Variants in AGGF1 observed in about 807,000 individuals in gnomAD.
AGGF1 encodes the protein angiogenic factor with G-patch and FHA domains 1, also known as angiogenic factor with G patch and FHA domains 1.
Under a neutral mutation model 86.5 loss-of-function variants are expected in AGGF1, and 56 were observed. The observed-to-expected ratio is 0.65, with a 90% CI of 0.52 to 0.81. AGGF1 has a LOEUF of 0.81. Ranked by LOEUF, AGGF1 falls within the 30% of genes least tolerant of loss-of-function variation. The pLI, the probability that AGGF1 is intolerant of heterozygous loss-of-function variation, is 0.00. For synonymous variants in AGGF1, 313 were observed against 297.1 expected (o/e 1.05, Z -0.55); for missense variants, 816 against 850.9 (o/e 0.96, Z 0.51).
At chr5:77,031,414 AAAAC>A (rs1012659927) in intron 1 of AGGF1, among the ~76,000 whole-genome samples, 3 of 152,228 alleles carry the variant, frequency 2.0e-5, no homozygotes, top group Non-Finnish European at 2.9e-5. Context: ...AAGGTGAAGT[AAAAC>A]AAACAATTTT....
intron 11 of AGGF1, among the ~76,000 whole-genome samples, chr5:77,057,764 G>T (rs1038574937): frequency 2.0e-5 from 3 of 152,194 alleles, no homozygotes; most frequent in Non-Finnish European, 4.4e-5. Flanking sequence ...CGCACCTTGG[G>T]TTATGTACCT....
intron 8 of AGGF1, 77 bp downstream of exon 8, chr5:77,049,064 A>T: frequency 7.1e-7 from 1 of 1,414,330 alleles, no homozygotes. Flanking sequence ...AAGCTTAGGG[A>T]TTTTTCTCAT....
chr5:77,036,418 C>T (rs1746968022), intron 3 of AGGF1, 138 bp from the exon 4 acceptor site: 2 of 895,022 alleles, frequency 2.2e-6, no homozygotes, highest in African/African-American at 3.3e-5. Context: ...TGGTTCAAGT[C>T]ATAATTGATA....
Position 77,046,430 on chromosome 5 carries a change from G to A in AGGF1, c.954G>A (p.Lys318=). The part of the protein sequence containing the change: ...NEEENFANMK[K]KAKIGIHHKN... ...AAGAAAATTTCGCAAATATGAAAAA[G>A]AAGGCCAAAATAGGCATTCATCACA... is the stretch of plus-strand genomic sequence containing the variant. Residue 318 remains lysine, a synonymous_variant, in exon 6 of 14, where the codon AAG becomes AAA. Transcript: ENST00000312916. 6.2e-7 allele frequency: 1 copy of A among 1,613,940 alleles called. No individual in the cohort carries two copies. The highest frequency in any genetic ancestry group is 8.5e-7 in the Non-Finnish European group (1 of 1,179,964).
chr5:77,055,781 T>G (rs1046929907), intron 11 of AGGF1, among the ~76,000 whole-genome samples, 185 bp downstream of exon 11: 1 of 152,232 alleles, frequency 6.6e-6, no homozygotes, highest in East Asian at 1.9e-4. Context: ...AGAAAAATGA[T>G]AATAGCCTAC....
Position 77,063,239 on chromosome 5 carries a change from G to A in AGGF1, c.2132G>A (p.Gly711Glu), listed in dbSNP as rs1245578292. ...CCAGGGACCATGCCTTGGGTAAAAGGGACTTTAGAGTGAAGGCTAATCATA... is the reference window on the plus strand; with the variant it reads ...CCAGGGACCATGCCTTGGGTAAAAGAGACTTTAGAGTGAAGGCTAATCATA... ...DDPGTMPWVKGTLE is the reference protein window; with the variant it reads ...DDPGTMPWVKETLE Residue 711 changes from glycine to glutamate, a missense_variant, in exon 14 of 14, where the codon GGG becomes GAG. Gly to Glu is a moderately conservative substitution (Grantham distance 98). Transcript: ENST00000312916. The A allele has an allele frequency of 6.2e-7, 1 of 1,613,246 alleles. No individual in the cohort carries two copies. Among genetic ancestry groups the A allele is most frequent in the Non-Finnish European group, 8.5e-7 (1 of 1,179,690 alleles).
In AGGF1 at chr5:77,053,991, A is replaced by G. The variant is rs778806873; in HGVS notation, c.1494A>G (p.Val498=). 6.2e-7 allele frequency: 1 copy of G among 1,614,202 alleles called. No individual in the cohort carries two copies. The highest frequency in any genetic ancestry group is 8.5e-7 in the Non-Finnish European group (1 of 1,180,026). Residue 498 remains valine, a synonymous_variant, in exon 10 of 14, where the codon GTA becomes GTG. Coordinates refer to ENST00000312916, the MANE Select transcript of AGGF1 (RefSeq NM_018046.5). ...LQPKTKCDPY[V]LEHGDEVKIG... Reference sequence around the variant, plus strand: ...CGAAAACTAAATGTGACCCTTACGTACTTGAGCATGGAGATGAAGTCAAAA... The same window carrying G: ...CGAAAACTAAATGTGACCCTTACGTGCTTGAGCATGGAGATGAAGTCAAAA...
intron 11 of AGGF1, among the ~76,000 whole-genome samples, chr5:77,057,732 G>T (rs1422364948): frequency 6.6e-6 from 1 of 152,218 alleles, no homozygotes; most frequent in Non-Finnish European, 1.5e-5. Flanking sequence ...TTGCACAGCA[G>T]TTGAGCAACC....
intron 1 of AGGF1, among the ~76,000 whole-genome samples, chr5:77,032,266 AAAAAAAAAC>A (rs1341684956): frequency 6.7e-6 from 1 of 150,348 alleles, no homozygotes; most frequent in Non-Finnish European, 1.5e-5. Flanking sequence ...AAAAAAAAAA[AAAAAAAAAC>A]AGGGAGAGGT....
At chr5:77,037,569 C>T (rs185674169) in intron 4 of AGGF1, among the ~76,000 whole-genome samples, 4 of 152,038 alleles carry the variant, frequency 2.6e-5, no homozygotes, top group Admixed American at 1.3e-4. Context: ...TTGCTTGAGT[C>T]GAGTGCAAGA....
Position 77,045,060 on chromosome 5 carries a change from G to A in AGGF1, c.871-1287G>A, listed in dbSNP as rs780079042. On this transcript the variant is annotated intron_variant, in intron 5 of 13. Transcript: ENST00000312916. ...AGCCTGGGCGACAGAGCGAGACTCC[G>A]TCTCAAAAAAAAAAAAAAAGAAAGA... is the stretch of plus-strand genomic sequence containing the variant. 4.9e-5 allele frequency among the ~76,000 whole-genome samples: 7 copies of A among 141,656 alleles called. No individual in the cohort carries two copies. In the Middle Eastern group the frequency reaches 0.018, roughly 372 times the overall value. 92.9% of individuals were successfully genotyped at this position (141,656 alleles called of 152,430 possible). A position where few individuals can be genotyped will look rare whatever the true frequency, so the allele number is the denominator to read the frequency against.
intron 5 of AGGF1, among the ~76,000 whole-genome samples, chr5:77,041,782 TTTTTTTATTTA>T (rs1747087546): frequency 9.1e-6 from 1 of 109,836 alleles, no homozygotes; most frequent in African/African-American, 3.5e-5. Flanking sequence ...AGACAAGAAC[TTTTTTTATTTA>T]TTTATTTATT....
rs774902573 is a variant in AGGF1, at chr5:77,055,614, T to C, written c.1716+18T>C. Reference sequence around the variant, plus strand: ...GTTTACAGGTGAGGATGTTGAATATTGTTTCATTTGTTAAGCTGTATATCT... The same window carrying C: ...GTTTACAGGTGAGGATGTTGAATATCGTTTCATTTGTTAAGCTGTATATCT... On this transcript the variant is annotated intron_variant, in intron 11 of 13. Transcript: ENST00000312916. 1 of 1,514,450 alleles carries C rather than the reference T, an allele frequency of 6.6e-7. No individual in the cohort carries two copies. Among genetic ancestry groups the C allele is most frequent in the Admixed American group, 1.7e-5 (1 of 59,198 alleles). 93.8% of individuals were successfully genotyped at this position (1,514,450 alleles called of 1,614,324 possible).
At chr5:77,032,468 G>T (rs1192787692) in intron 1 of AGGF1, among the ~76,000 whole-genome samples, 2 of 150,384 alleles carry the variant, frequency 1.3e-5, no homozygotes, top group Non-Finnish European at 2.9e-5. Flanking sequence ...ACAGGCTGAG[G>T]CAGGAGAATG....
At chr5:77,047,769 C>T (rs897796530) in intron 6 of AGGF1, among the ~76,000 whole-genome samples, 4 of 149,568 alleles carry the variant, frequency 2.7e-5, no homozygotes, top group South Asian at 4.2e-4. Context: ...CTGCCTGCGT[C>T]GGCCCCCCAA....
intron 1 of AGGF1, among the ~76,000 whole-genome samples, chr5:77,032,059 A>G (rs902635890): frequency 6.6e-6 from 1 of 152,146 alleles, no homozygotes; most frequent in African/African-American, 2.4e-5. Flanking sequence ...ACCAGTATAT[A>G]GGCTGAACAC....
Position 77,054,215 on chromosome 5 carries a change from C to G in AGGF1, c.1633+85C>G, listed in dbSNP as rs188078377. 479 of 1,494,368 alleles carry G rather than the reference C, an allele frequency of 3.2e-4. 2 individuals carry two copies. The highest frequency in any genetic ancestry group is 2.9e-3 in the Middle Eastern group (17 of 5,832). The allele number at this position is 1,494,368 out of a possible 1,614,324, so 92.6% of individuals were successfully genotyped here. On this transcript the variant is annotated intron_variant, in intron 10 of 13. Coordinates refer to ENST00000312916, the MANE Select transcript of AGGF1 (RefSeq NM_018046.5). ...CTAAAAAACATCAGTCAGCTACTGGCTACATGTCTAATTGATACGATACTG... is the reference window on the plus strand; with the variant it reads ...CTAAAAAACATCAGTCAGCTACTGGGTACATGTCTAATTGATACGATACTG...
intron 3 of AGGF1, 78 bp from the exon 4 acceptor site, chr5:77,036,478 C>T: frequency 7.0e-7 from 1 of 1,426,752 alleles, no homozygotes; most frequent in Non-Finnish European, 9.8e-7. Context: ...AACATAGTCT[C>T]AGGTCTTGAG....
chr5:77,062,165 G>A (rs1180929458), intron 13 of AGGF1, among the ~76,000 whole-genome samples: 1 of 152,292 alleles, frequency 6.6e-6, no homozygotes, highest in East Asian at 1.9e-4. Context: ...TGAAAAATCT[G>A]TTTGGTTCAA....
Sources: allele counts gnomAD v4.1 joint callset (sites outside exome capture counted in the v4.1 genomes callset), GRCh38; gene constraint gnomAD v4.1.1; transcripts MANE v1.5; gene names NCBI Gene and HGNC (gene_info 2026-07-23, HGNC 2026-07-21).